CHD5: variants seen among roughly 807,000 people sequenced by gnomAD.
CHD5 encodes the protein ATP-dependent chromatin remodeler CHD5.
Under a neutral mutation model 230.3 loss-of-function variants are expected in CHD5, and 69 were observed. The ratio of observed to expected loss-of-function variants is 0.30; its 90% CI spans 0.25 to 0.37. CHD5 has a LOEUF of 0.37. Ranked by LOEUF, CHD5 falls within the 10% of genes least tolerant of loss-of-function variation. CHD5 has a pLI of 1.00. For missense variants in CHD5, 1,827 were observed against 2,622.8 expected, an observed-to-expected ratio of 0.70 and a Z score of 6.63; for synonymous variants, 1,064 against 1,065.9, an observed-to-expected ratio of 1.00 and a Z score of 0.03.
rs938647894 is a variant in CHD5 at position 6,129,969 on chromosome 1, C to T, written c.3387+235G>A. On this transcript the variant is annotated intron_variant, in intron 22 of 41. Transcript: ENST00000262450. This position sits in a 1 kb window ranked among gnomAD's most constrained non-coding sequence, Gnocchi z 6.8. ...TGCTGTGCGCCCTGGGACACTTCCC[C>T]TGCCCTCTCCAAGCCTGCTTCCTCC... Among the ~76,000 whole-genome samples the T allele has an allele frequency of 1.3e-5, 2 of 152,232 alleles. No homozygotes were observed.
At position 6,149,382 on chromosome 1, in the gene CHD5, T is replaced by C. The variant is rs1557554130; in HGVS notation, c.1025A>G (p.His342Arg). The C allele has an allele frequency of 6.2e-7, 1 of 1,612,478 alleles. No individual in the cohort carries two copies. Among genetic ancestry groups the C allele is most frequent in the Non-Finnish European group, 8.5e-7 (1 of 1,179,304 alleles). The change falls in exon 8 of 42, where the codon CAC becomes CGC. Residue 342 changes from histidine to arginine, a missense_variant. This residue lies in a region of CHD5 where 657 missense variants were observed against 816.4 expected (regional missense o/e 0.80). Transcript: ENST00000262450. ...IDDGDGYETD[H>R]QDYCEVCQQG... ...CTGGCACACCTCACAGTAATCCTGGTGGTCTGTCTCATAGCCGTCACCATC... is the reference window on the plus strand; with the variant it reads ...CTGGCACACCTCACAGTAATCCTGGCGGTCTGTCTCATAGCCGTCACCATC...
rs1666593947 is a variant in CHD5, at chr1:6,128,204, C to G, written c.3745G>C (p.Val1249Leu). 6.2e-7 allele frequency: 1 copy of G among 1,613,944 alleles called. No homozygotes were observed. Among genetic ancestry groups the G allele is most frequent in the African/African-American group, 1.3e-5 (1 of 74,928 alleles). ...TAGTGGATCACACTGCTGTCCTCCA[C>G]GTCCTTGTTGTCACCTGGGGAGCAG... ...GSTPPGDNKD[V>L]EDSSVIHYDD... The change falls in exon 25 of 42, where the codon GTG (valine) becomes CTG (leucine). Residue 1249 changes from valine (V) to leucine (L), a missense_variant. Physicochemically the swap from Val to Leu is conservative, Grantham distance 32. Transcript: ENST00000262450. This position sits in a 1 kb window ranked among gnomAD's most constrained non-coding sequence, Gnocchi z 7.8.
chr1:6,152,570 C>T (rs1175722972), intron 5 of CHD5, 34 bp from the exon 6 acceptor site: 6 of 1,611,758 alleles, frequency 3.7e-6, no homozygotes, highest in Middle Eastern at 1.6e-4. Context: ...CCAACCACTG[C>T]CACCACTGAC....
Position 6,121,156 on chromosome 1 carries a change from G to T in CHD5, c.4861C>A (p.Arg1621=). The T allele has an allele frequency of 6.2e-7, 1 of 1,613,746 alleles. No individual in the cohort carries two copies. Among genetic ancestry groups the T allele is most frequent in the Non-Finnish European group, 8.5e-7 (1 of 1,179,862 alleles). ...PASKERAREE[R]PEETEKAPPS... ...GGGGCCTTCTCCGTCTCCTCTGGCC[G>T]CTCCTCTCGGGCTCTCTCCTTGCTG... Residue 1621 remains arginine (R), a synonymous_variant, in exon 33 of 42, where the codon CGG becomes AGG. Coordinates refer to ENST00000262450, the MANE Select transcript of CHD5 (RefSeq NM_015557.3). This position sits in a 1 kb window ranked among gnomAD's most constrained non-coding sequence, Gnocchi z 4.5.
chr1:6,109,553 G>A (rs916041960), intron 38 of CHD5, among the ~76,000 whole-genome samples: 1 of 152,206 alleles, frequency 6.6e-6, no homozygotes, highest in African/African-American at 2.4e-5. Context: ...AGCCCGGGCC[G>A]GGGCCCGCAC....
chr1:6,123,709 G>A (rs1297058868), intron 31 of CHD5, among the ~76,000 whole-genome samples: 1 of 152,034 alleles, frequency 6.6e-6, no homozygotes, highest in Non-Finnish European at 1.5e-5. Context: ...ATTAACAGGT[G>A]TGAGCCACCG....
chr1:6,129,129 A>G lies in CHD5; in HGVS notation c.3388-60T>C. Reference sequence around the variant, plus strand: ...CCCAGGGCTCCAGGCAATGGAGGAGATCACACCCATGAGCTCAAGAGCATG... The same window carrying G: ...CCCAGGGCTCCAGGCAATGGAGGAGGTCACACCCATGAGCTCAAGAGCATG... On this transcript the variant is annotated intron_variant, in intron 22 of 41. Transcript: ENST00000262450. This position sits in a 1 kb window ranked among gnomAD's most constrained non-coding sequence, Gnocchi z 6.8. The G allele has an allele frequency of 8.5e-7, 1 of 1,177,556 alleles. No individual in the cohort carries two copies. The highest frequency in any genetic ancestry group is 1.2e-6 in the Non-Finnish European group (1 of 809,252). The allele number at this position is 1,177,556 out of a possible 1,614,324, so 72.9% of individuals were successfully genotyped here.
Position 6,146,117 on chromosome 1 carries a change from C to T in CHD5, c.1802+95G>A. The T allele has an allele frequency of 8.0e-7, 1 of 1,256,370 alleles. No homozygotes were observed. The allele number at this position is 1,256,370 out of a possible 1,614,324, so 77.8% of individuals were successfully genotyped here. On this transcript the variant is annotated intron_variant, in intron 11 of 41. Transcript: ENST00000262450. This position sits in a 1 kb window ranked among gnomAD's most constrained non-coding sequence, Gnocchi z 5.1. ...CTGCACGGCAGCCCCAAAGCAAGGG[C>T]CCTGGCACCCTGCGCTGCACCCATT...
chr1:6,141,410 G>A (rs1012134098), intron 15 of CHD5, among the ~76,000 whole-genome samples: 3 of 151,940 alleles, frequency 2.0e-5, no homozygotes, highest in Admixed American at 1.3e-4. Flanking sequence ...GAGGTCACAA[G>A]CTCAAGACCA....
chr1:6,141,064 G>T (rs762028907), intron 15 of CHD5, among the ~76,000 whole-genome samples: 1 of 150,668 alleles, frequency 6.6e-6, no homozygotes, highest in Non-Finnish European at 1.5e-5. Flanking sequence ...CAGGCAGATC[G>T]CCTGAACTTA....
chr1:6,167,052 G>C lies in CHD5; in HGVS notation c.207+1098C>G, dbSNP rs1029294096. 6.6e-6 allele frequency among the ~76,000 whole-genome samples: 1 copy of C among 152,140 alleles called. No individual in the cohort carries two copies. Among genetic ancestry groups the C allele is most frequent in the South Asian group, 2.1e-4 (1 of 4,824 alleles). On this transcript the variant is annotated intron_variant, in intron 2 of 41. Transcript: ENST00000262450. This position sits in a 1 kb window ranked among gnomAD's most constrained non-coding sequence, Gnocchi z 4.5. The stretch of plus-strand genomic sequence containing the variant: ...TAGATCCGGGCCCAGCGCTGCCAAG[G>C]GCACCCCCTTAGCATTAGCACCTCA...
rs546745391 is a variant in CHD5, at chr1:6,168,850, C to G, written c.80-573G>C. Among the ~76,000 whole-genome samples, 15 of 152,232 alleles carry G rather than the reference C, an allele frequency of 9.9e-5. No individual in the cohort carries two copies. In the East Asian group the frequency reaches 2.9e-3, roughly 29 times the overall value. On this transcript the variant is annotated intron_variant, in intron 1 of 41. Coordinates refer to ENST00000262450, the MANE Select transcript of CHD5 (RefSeq NM_015557.3). ...CCTGGCCAACACGATGAAACCCCGT[C>G]TCTACTAAAAATACAAAAATTAGCT...
chr1:6,125,498 G>A lies in CHD5; in HGVS notation c.4260+26C>T. On this transcript the variant is annotated intron_variant, in intron 28 of 41. Transcript: ENST00000262450. The surrounding 1 kb of genome is among the most constrained non-coding windows in gnomAD (Gnocchi z 6.7). Reference sequence around the variant, plus strand: ...GGGCAGCAGGAAGCAGGGGCAGAAAGAGATGCGGGAACAGACAGGCCCCAC... The same window carrying A: ...GGGCAGCAGGAAGCAGGGGCAGAAAAAGATGCGGGAACAGACAGGCCCCAC... 1 of 1,556,280 alleles carries A rather than the reference G, an allele frequency of 6.4e-7. No individual in the cohort carries two copies. Among genetic ancestry groups the A allele is most frequent in the East Asian group, 2.4e-5 (1 of 41,414 alleles).
chr1:6,125,511 A>C lies in CHD5; in HGVS notation c.4260+13T>G. On this transcript the variant is annotated intron_variant, in intron 28 of 41. Coordinates refer to ENST00000262450, the MANE Select transcript of CHD5 (RefSeq NM_015557.3). The surrounding 1 kb of genome is among the most constrained non-coding windows in gnomAD (Gnocchi z 6.7). ...CAGGGGCAGAAAGAGATGCGGGAACAGACAGGCCCCACCTCGATGTTGCCA... is the reference window on the plus strand; with the variant it reads ...CAGGGGCAGAAAGAGATGCGGGAACCGACAGGCCCCACCTCGATGTTGCCA... The C allele has an allele frequency of 6.4e-7, 1 of 1,566,784 alleles. No homozygotes were observed. The highest frequency in any genetic ancestry group is 8.7e-7 in the Non-Finnish European group (1 of 1,154,400).
chr1:6,120,223 A>G (rs1666446922), intron 33 of CHD5, among the ~76,000 whole-genome samples: 2 of 152,122 alleles, frequency 1.3e-5, no homozygotes, highest in Non-Finnish European at 2.9e-5. Flanking sequence ...CTTCAAGCAC[A>G]CATACATCAT....
At chr1:6,169,602 T>C (rs1222878465) in intron 1 of CHD5, among the ~76,000 whole-genome samples, 1 of 152,160 alleles carries the variant, frequency 6.6e-6, no homozygotes, top group Non-Finnish European at 1.5e-5. Context: ...AGATATGAGC[T>C]GTGGAGGGGC....
At chr1:6,139,826 G>A (rs965415990) in intron 15 of CHD5, among the ~76,000 whole-genome samples, 2 of 152,182 alleles carry the variant, frequency 1.3e-5, no homozygotes, top group Admixed American at 6.5e-5. Context: ...CTTGGCACAC[G>A]GCAGGGTCCC....
chr1:6,115,193 G>A (rs1666360595), intron 33 of CHD5, among the ~76,000 whole-genome samples: 1 of 151,848 alleles, frequency 6.6e-6, no homozygotes. Flanking sequence ...GGGCGTGGTG[G>A]CGGGTGCCTG....
intron 31 of CHD5, among the ~76,000 whole-genome samples, 172 bp downstream of exon 31, chr1:6,123,776 C>T (rs1004456787): frequency 2.2e-4 from 34 of 152,174 alleles, no homozygotes; most frequent in African/African-American, 6.7e-4. Flanking sequence ...AATTATATCT[C>T]GTAACTGTCA....
Sources: allele counts gnomAD v4.1 joint callset (sites outside exome capture counted in the v4.1 genomes callset), GRCh38; gene constraint gnomAD v4.1.1; regional missense constraint gnomAD v4.1.1; non-coding constraint Gnocchi (gnomAD v3.1); transcripts MANE v1.5; gene names NCBI Gene and HGNC (gene_info 2026-07-23, HGNC 2026-07-21).